Variants in FAM135A observed in about 807,000 individuals in gnomAD.
FAM135A encodes the protein protein FAM135A.
A neutral mutation model predicts 146.8 loss-of-function variants in FAM135A; 79 were observed. The observed-to-expected ratio is 0.54, with a 90% CI of 0.45 to 0.65. The LOEUF is 0.65. Ranked by LOEUF, FAM135A falls within the 30% of genes least tolerant of loss-of-function variation. The pLI, the probability that FAM135A is intolerant of heterozygous loss-of-function variation, is 0.00. For missense variants in FAM135A, 1,623 were observed against 1,758.2 expected (o/e 0.92, Z 1.38); for synonymous variants, 562 against 603.6 (o/e 0.93, Z 1.01).
chr6:70,540,009 A>G (rs1370176326), intron 20 of FAM135A, among the ~76,000 whole-genome samples: 1 of 152,142 alleles, frequency 6.6e-6, no homozygotes, highest in Admixed American at 6.5e-5. Context: ...AAAAAGAAAG[A>G]CATTGACAAA....
At position 70,525,164 on chromosome 6, in the gene FAM135A, C is replaced by T. The variant is rs138344701; in HGVS notation, c.2080C>T (p.Pro694Ser). Reference sequence around the variant, plus strand: ...GGAAATACTTGTGGATAATTTACTACCCAACTTTGAGTCCTTAGAATCTAA... The same window carrying T: ...GGAAATACTTGTGGATAATTTACTATCCAACTTTGAGTCCTTAGAATCTAA... Reference protein sequence around the residue: ...QEEILVDNLLPNFESLESNGK... With the variant: ...QEEILVDNLLSNFESLESNGK... Residue 694 changes from proline (P) to serine (S), a missense_variant, in exon 15 of 22, where the codon CCC (proline) becomes TCC (serine). Physicochemically the swap from Pro to Ser is moderately conservative, Grantham distance 74. Around this residue, in one of 7 missense-constraint regions of FAM135A, gnomAD observed 1,061 missense variants for 1,113.8 expected, o/e 0.95. Coordinates refer to ENST00000418814, the MANE Select transcript of FAM135A (RefSeq NM_001162529.3). 24 of 1,584,270 alleles carry T rather than the reference C, an allele frequency of 1.5e-5. No individual in the cohort carries two copies. The highest frequency in any genetic ancestry group is 1.9e-5 in the Admixed American group (1 of 53,556).
intron 4 of FAM135A, among the ~76,000 whole-genome samples, chr6:70,447,865 ATTTCC>A (rs1403337774): frequency 1.3e-5 from 2 of 152,134 alleles, no homozygotes; most frequent in East Asian, 3.9e-4. Flanking sequence ...GAAGTGGAGT[ATTTCC>A]TTTATCCACT....
chr6:70,440,875 G>T (rs180680162), intron 4 of FAM135A, among the ~76,000 whole-genome samples: 1 of 152,140 alleles, frequency 6.6e-6, no homozygotes, highest in African/African-American at 2.4e-5. Context: ...GTTATTCCTT[G>T]TGCATTTATT....
chr6:70,450,169 G>A (rs779329194), intron 4 of FAM135A, among the ~76,000 whole-genome samples: 1 of 152,114 alleles, frequency 6.6e-6, no homozygotes, highest in Non-Finnish European at 1.5e-5. Context: ...TTCCTTATCA[G>A]ATGTATGGTT....
Position 70,533,860 on chromosome 6 carries a change from T to G in FAM135A, c.3965+6T>G. On this transcript the variant is annotated splice_donor_region_variant and intron_variant, in intron 18 of 21. Transcript: ENST00000418814. ...CTAACAGTCTCAAAAATAAGGTATC[T>G]TCTTTAATATTATGCAATTTATTTT... 7.5e-7 allele frequency: 1 copy of G among 1,334,486 alleles called. No homozygotes were observed. The highest frequency in any genetic ancestry group is 1.5e-5 in the African/African-American group (1 of 65,796). The allele number at this position is 1,334,486 out of a possible 1,614,324, so 82.7% of individuals were successfully genotyped here. A position where few individuals can be genotyped will look rare whatever the true frequency, so the allele number is the denominator to read the frequency against.
At chr6:70,468,512 A>C (rs1231929811) in intron 5 of FAM135A, among the ~76,000 whole-genome samples, 3 of 152,232 alleles carry the variant, frequency 2.0e-5, no homozygotes, top group Non-Finnish European at 2.9e-5. Context: ...GGAAGAGTGA[A>C]TACAAGGGAA....
At chr6:70,517,244 A>ATCC (rs1792476707) in intron 12 of FAM135A, among the ~76,000 whole-genome samples, 1 of 152,104 alleles carries the variant, frequency 6.6e-6, no homozygotes, top group Non-Finnish European at 1.5e-5. Flanking sequence ...AAATAAGTCT[A>ATCC]TCCAGGTGGG....
At chr6:70,507,634 T>A (rs981236468) in intron 12 of FAM135A, among the ~76,000 whole-genome samples, 1 of 152,164 alleles carries the variant, frequency 6.6e-6, no homozygotes, top group African/African-American at 2.4e-5. Flanking sequence ...AATATTAAGA[T>A]CCAGTAAGTT....
At chr6:70,445,450 G>T (rs1440727749) in intron 4 of FAM135A, among the ~76,000 whole-genome samples, 1 of 152,174 alleles carries the variant, frequency 6.6e-6, no homozygotes, top group African/African-American at 2.4e-5. Flanking sequence ...GGAAATCAGG[G>T]ATCTCACAGC....
At chr6:70,419,292 G>A (rs998606320) in intron 2 of FAM135A, among the ~76,000 whole-genome samples, 4 of 152,256 alleles carry the variant, frequency 2.6e-5, no homozygotes, top group Middle Eastern at 3.4e-3. Context: ...GGTGGCGCAC[G>A]CCTGTAGTCC....
chr6:70,502,064 T>G (rs1788680147), intron 11 of FAM135A, among the ~76,000 whole-genome samples: 1 of 152,066 alleles, frequency 6.6e-6, no homozygotes, highest in Non-Finnish European at 1.5e-5. Context: ...AGCAAGTGAG[T>G]GAATTGTTAG....
At chr6:70,491,108 TC>T (rs1554287988) in intron 11 of FAM135A, 25 bp downstream of exon 11, 3 of 1,568,900 alleles carry the variant, frequency 1.9e-6, no homozygotes, top group Non-Finnish European at 2.6e-6. Context: ...TAAATTCACA[TC>T]ATCAAGTTAT....
rs150817690 is a variant in FAM135A, at chr6:70,525,132, G to A, written c.2048G>A (p.Arg683Gln). The A allele has an allele frequency of 3.8e-6, 6 of 1,566,860 alleles. No individual in the cohort carries two copies. Among genetic ancestry groups the A allele is most frequent in the South Asian group, 3.7e-5 (3 of 81,246 alleles). Residue 683 changes from arginine to glutamine, a missense_variant, in exon 15 of 22, where the codon CGA becomes CAA. Physicochemically the swap from Arg to Gln is conservative, Grantham distance 43. Around this residue, in one of 7 missense-constraint regions of FAM135A, gnomAD observed 1,061 missense variants for 1,113.8 expected, o/e 0.95. Coordinates refer to ENST00000418814, the MANE Select transcript of FAM135A (RefSeq NM_001162529.3). ...TVKLGPWTEL[R>Q]QEEILVDNLL... ...AAACTAGGACCTTGGACAGAGCTTC[G>A]ACAAGAGGAAATACTTGTGGATAAT... is the stretch of plus-strand genomic sequence containing the variant.
chr6:70,535,292 A>G (rs1012978587), intron 18 of FAM135A, among the ~76,000 whole-genome samples: 7 of 152,136 alleles, frequency 4.6e-5, no homozygotes, highest in African/African-American at 1.7e-4. Context: ...TCCCCAGGGA[A>G]TCTTATACCA....
At position 70,475,681 on chromosome 6, in the gene FAM135A, G is replaced by A; in HGVS notation, c.316G>A (p.Glu106Lys). 1 of 1,467,104 alleles carries A rather than the reference G, an allele frequency of 6.8e-7. No homozygotes were observed. The highest frequency in any genetic ancestry group is 2.5e-5 in the East Asian group (1 of 39,484). The allele number at this position is 1,467,104 out of a possible 1,614,324, so 90.9% of individuals were successfully genotyped here. ...TTTTCAGATTGAAGAAACCCTTGAG[G>A]AAATGAATTTTCTATTATCCTTGGA... ...DERKIEETLE[E>K]MNFLLSLDLH... is the part of the protein sequence containing the mutation. Residue 106 changes from glutamate to lysine, a missense_variant, in exon 7 of 22, where the codon GAA becomes AAA. By Grantham distance (56) the Glu-to-Lys change is moderately conservative (BLOSUM62 1). Coordinates refer to ENST00000418814, the MANE Select transcript of FAM135A (RefSeq NM_001162529.3).
intron 12 of FAM135A, among the ~76,000 whole-genome samples, chr6:70,522,020 G>A (rs529810567): frequency 1.3e-5 from 2 of 152,090 alleles, no homozygotes; most frequent in African/African-American, 2.4e-5. Context: ...GGGTTCAGGC[G>A]ATTCTCCTGC....
intron 2 of FAM135A, among the ~76,000 whole-genome samples, chr6:70,420,500 A>G (rs983349530): frequency 6.6e-6 from 1 of 152,162 alleles, no homozygotes; most frequent in Non-Finnish European, 1.5e-5. Flanking sequence ...TGGATATTGG[A>G]TGTAACTCAG....
At chr6:70,493,601 C>T (rs1403616933) in intron 11 of FAM135A, among the ~76,000 whole-genome samples, 1 of 152,092 alleles carries the variant, frequency 6.6e-6, no homozygotes, top group Non-Finnish European at 1.5e-5. Flanking sequence ...CAGTACGTAT[C>T]CACAGCCAGA....
At chr6:70,473,433 A>G (rs1389485929) in intron 5 of FAM135A, among the ~76,000 whole-genome samples, 1 of 152,190 alleles carries the variant, frequency 6.6e-6, no homozygotes, top group East Asian at 1.9e-4. Context: ...GTCTTTATCT[A>G]AATATCTGAT....
Sources: gnomAD v4.1 joint callset for allele counts (sites outside exome capture counted in the v4.1 genomes callset) on GRCh38, gnomAD v4.1.1 for gene constraint, gnomAD v4.1.1 regional missense constraint, MANE v1.5 for transcripts, NCBI Gene and HGNC (gene_info 2026-07-23, HGNC 2026-07-21) for gene names.